Variants in ANKRD31 observed in about 807,000 individuals in gnomAD.
ANKRD31 encodes ankyrin repeat domain-containing protein 31.
Under a neutral mutation model 186.0 loss-of-function variants are expected in ANKRD31, and 147 were observed. The observed-to-expected ratio is 0.79, with a 90% CI of 0.69 to 0.91. The LOEUF (loss-of-function observed/expected upper bound fraction) is 0.91, where lower values mean the gene tolerates loss of function less well. Ranked by LOEUF, ANKRD31 falls within the 40% of genes least tolerant of loss-of-function variation. The probability of loss-of-function intolerance (pLI) is 0.00; values close to 1 mark genes in which losing one functional copy is unlikely to be tolerated. For missense variants in ANKRD31, 1,986 were observed against 2,148.8 expected (o/e 0.92, Z 1.50); for synonymous variants, 673 against 736.4 (o/e 0.91, Z 1.39).
At chr5:75,111,296 G>A (rs907900327) in intron 20 of ANKRD31, among the ~76,000 whole-genome samples, 12 of 151,866 alleles carry the variant, frequency 7.9e-5, no homozygotes, top group Non-Finnish European at 1.8e-4. Context: ...TCTTTTTCTC[G>A]AAGTATATCT....
At chr5:75,182,180 T>C (rs1005902236) in intron 10 of ANKRD31, among the ~76,000 whole-genome samples, 2 of 152,216 alleles carry the variant, frequency 1.3e-5, no homozygotes, top group Non-Finnish European at 2.9e-5. Context: ...CCAAATATTG[T>C]TTCTTATAGA....
chr5:75,169,153 C>T, intron 10 of ANKRD31, 32 bp from the exon 11 acceptor site: 1 of 1,524,750 alleles, frequency 6.6e-7, no homozygotes, highest in South Asian at 1.2e-5. Context: ...CATTTGTTTA[C>T]ATTTGGCATC....
chr5:75,070,198 A>G (rs7720620), intron 25 of ANKRD31, among the ~76,000 whole-genome samples: 76,905 of 152,090 alleles, frequency 0.51, 22,429 homozygotes, highest in African/African-American at 0.82. Flanking sequence ...GACTTCCGGA[A>G]ACAAGGTATC....
intron 10 of ANKRD31, among the ~76,000 whole-genome samples, chr5:75,182,127 A>T (rs1232572360): frequency 6.6e-6 from 1 of 152,162 alleles, no homozygotes; most frequent in Non-Finnish European, 1.5e-5. Context: ...TGAATATTTT[A>T]AAACTACCTA....
chr5:75,124,636 A>G (rs1181250470), intron 17 of ANKRD31, among the ~76,000 whole-genome samples: 1 of 152,136 alleles, frequency 6.6e-6, no homozygotes, highest in African/African-American at 2.4e-5. Flanking sequence ...CTACTCAGCC[A>G]TAACAAAGAA....
chr5:75,119,935 G>A (rs1037873138), intron 17 of ANKRD31, among the ~76,000 whole-genome samples: 12 of 152,030 alleles, frequency 7.9e-5, no homozygotes, highest in African/African-American at 1.9e-4. Context: ...GGGAAACTTC[G>A]AAACCCCATC....
At chr5:75,097,392 T>G (rs1396496701) in intron 22 of ANKRD31, among the ~76,000 whole-genome samples, 16 of 152,218 alleles carry the variant, frequency 1.1e-4, no homozygotes, top group Admixed American at 5.2e-4. Flanking sequence ...GTTTTGATTT[T>G]CATTTCTCTG....
chr5:75,197,840 G>C (rs1197309912), intron 6 of ANKRD31, among the ~76,000 whole-genome samples: 1 of 152,184 alleles, frequency 6.6e-6, no homozygotes, highest in African/African-American at 2.4e-5. Context: ...GCATAAACTA[G>C]TGTATATCAA....
intron 11 of ANKRD31, among the ~76,000 whole-genome samples, chr5:75,158,112 G>A (rs529390025): frequency 5.5e-4 from 84 of 152,154 alleles, no homozygotes; most frequent in Non-Finnish European, 1.1e-3. Flanking sequence ...TTGAGGAGAT[G>A]CTAGAGAAGA....
At chr5:75,088,577 G>T (rs192661061) in intron 23 of ANKRD31, among the ~76,000 whole-genome samples, 1 of 152,312 alleles carries the variant, frequency 6.6e-6, no homozygotes, top group East Asian at 1.9e-4. Context: ...CATAAAGGTG[G>T]CTAGATTGTA....
At chr5:75,135,591 C>T (rs1750505529) in intron 17 of ANKRD31, among the ~76,000 whole-genome samples, 1 of 152,056 alleles carries the variant, frequency 6.6e-6, no homozygotes, top group South Asian at 2.1e-4. Flanking sequence ...GCCATACTGC[C>T]CAAGGTAATT....
chr5:75,085,273 C>G (rs373815652), intron 23 of ANKRD31, among the ~76,000 whole-genome samples: 2 of 152,152 alleles, frequency 1.3e-5, no homozygotes, highest in East Asian at 3.8e-4. Context: ...TCCTTGAGGA[C>G]AGGTCTATAT....
intron 17 of ANKRD31, among the ~76,000 whole-genome samples, chr5:75,133,898 C>T (rs878975778): frequency 6.6e-6 from 1 of 152,098 alleles, no homozygotes; most frequent in African/African-American, 2.4e-5. Flanking sequence ...AACTGAACAA[C>T]CTGCTCCTGA....
At chr5:75,112,695 A>G (rs1486670605) in intron 19 of ANKRD31, 95 bp from the exon 20 acceptor site, 2 of 738,514 alleles carry the variant, frequency 2.7e-6, no homozygotes, top group Admixed American at 3.6e-5. Flanking sequence ...AATACTAAAG[A>G]AAGTGTTCCT....
intron 4 of ANKRD31, among the ~76,000 whole-genome samples, chr5:75,206,795 C>T (rs1756282993): frequency 6.6e-6 from 1 of 152,006 alleles, no homozygotes; most frequent in Admixed American, 6.6e-5. Flanking sequence ...GCAGGAAGGT[C>T]AGGGAGAAAA....
At chr5:75,186,843 T>C (rs1754746044) in intron 10 of ANKRD31, among the ~76,000 whole-genome samples, 1 of 152,132 alleles carries the variant, frequency 6.6e-6, no homozygotes, top group Non-Finnish European at 1.5e-5. Context: ...GCAGTGGGCC[T>C]TTTTTTAAAT....
At chr5:75,134,546 C>T (rs112505603) in intron 17 of ANKRD31, among the ~76,000 whole-genome samples, 1 of 152,066 alleles carries the variant, frequency 6.6e-6, no homozygotes, top group African/African-American at 2.4e-5. Flanking sequence ...AAAAAAAGTC[C>T]AGGACCAGAC....
chr5:75,176,902 A>C (rs1753851785), intron 10 of ANKRD31, among the ~76,000 whole-genome samples: 1 of 152,228 alleles, frequency 6.6e-6, no homozygotes, highest in African/African-American at 2.4e-5. Context: ...TGACGAGTTG[A>C]GAGAGGAAGG....
At position 75,193,303 on chromosome 5, in the gene ANKRD31, T is replaced by C. The variant is rs760432833; in HGVS notation, c.1298+8A>G. 24 of 1,534,368 alleles carry C rather than the reference T, an allele frequency of 1.6e-5. No individual in the cohort carries two copies. The South Asian group carries it at 2.4e-4, about 15-fold the overall frequency. ...ACCTGGAGATAAAGACATAATTTCA[T>C]TGCATACCTGAAATTCTGAGCTGAA... On this transcript the variant is annotated splice_region_variant and intron_variant, in intron 8 of 25. Coordinates refer to ENST00000506364, the MANE Select transcript of ANKRD31 (RefSeq NM_001372053.1).
Sources: gnomAD v4.1 joint callset for allele counts (sites outside exome capture counted in the v4.1 genomes callset) on GRCh38, gnomAD v4.1.1 for gene constraint, MANE v1.5 for transcripts, NCBI Gene and HGNC (gene_info 2026-07-23, HGNC 2026-07-21) for gene names.